The following WDFY3 variants were observed in gnomAD, a reference collection of about 807,000 sequenced individuals.
WDFY3 encodes the protein WD repeat and FYVE domain containing 3.
Under a neutral mutation model 409.6 loss-of-function variants are expected in WDFY3, and 66 were observed. That is an observed-to-expected ratio of 0.16 (90% CI 0.13 to 0.20). The LOEUF is 0.20. Among genes scored for constraint, WDFY3 ranks in the 10% least tolerant of loss-of-function variants. The probability of loss-of-function intolerance (pLI) is 1.00; values close to 1 mark genes in which losing one functional copy is unlikely to be tolerated. For synonymous variants in WDFY3, 1,521 were observed against 1,537.1 expected, an observed-to-expected ratio of 0.99 and a Z score of 0.25; for missense variants, 3,031 against 4,298.1, an observed-to-expected ratio of 0.71 and a Z score of 8.24.
At position 84,796,497 on chromosome 4, in the gene WDFY3, T is replaced by C. The variant is rs202175651; in HGVS notation, c.3167+24A>G. 2.2e-5 allele frequency: 33 copies of C among 1,494,466 alleles called. No homozygotes were observed. The East Asian group carries it at 3.5e-4, about 16-fold the overall frequency. The allele number at this position is 1,494,466 out of a possible 1,614,324, so 92.6% of individuals were successfully genotyped here. ...AGTATGACGCATAAAACCATAAAGG[T>C]TGGCTTCCTTGCAAATTTCTTACCC... is the stretch of plus-strand genomic sequence containing the variant. On this transcript the variant is annotated intron_variant, in intron 19 of 67. Coordinates refer to ENST00000295888, the MANE Select transcript of WDFY3 (RefSeq NM_014991.6).
intron 10 of WDFY3, among the ~76,000 whole-genome samples, chr4:84,821,858 G>A (rs1210725880): frequency 1.3e-5 from 2 of 152,182 alleles, no homozygotes; most frequent in Non-Finnish European, 2.9e-5. Flanking sequence ...TCAGAGTTTA[G>A]AGTGGTAGTT....
intron 12 of WDFY3, among the ~76,000 whole-genome samples, chr4:84,818,593 C>G (rs1418637714): frequency 2.0e-5 from 3 of 152,096 alleles, no homozygotes; most frequent in Non-Finnish European, 4.4e-5. Flanking sequence ...TGAAGTCAGT[C>G]TAAGCCATGT....
At chr4:84,802,546 G>T (rs1273747325) in intron 16 of WDFY3, among the ~76,000 whole-genome samples, 1 of 152,106 alleles carries the variant, frequency 6.6e-6, no homozygotes, top group Non-Finnish European at 1.5e-5. Flanking sequence ...GGGATTACAG[G>T]CGTGAGCCAC....
At chr4:84,700,813 A>G (rs1730959430) in intron 56 of WDFY3, among the ~76,000 whole-genome samples, 1 of 152,238 alleles carries the variant, frequency 6.6e-6, no homozygotes, top group South Asian at 2.1e-4. Context: ...ATAAGAAAAC[A>G]CTAATGTGGC....
At position 84,690,499 on chromosome 4, in the gene WDFY3, C is replaced by CT. The variant is rs575386588; in HGVS notation, c.9363+6dup. On this transcript the variant is annotated splice_region_variant and intron_variant, in intron 61 of 67. Coordinates refer to ENST00000295888, the MANE Select transcript of WDFY3 (RefSeq NM_014991.6). The stretch of plus-strand genomic sequence containing the variant: ...TCCTTCTTGGCATTTTCTATGTTCT[C>CT]TCTTACCTGTTTGAGGGTGACGGTC... 295 of 1,614,124 alleles carry CT rather than the reference C, an allele frequency of 1.8e-4. No homozygotes were observed. The African/African-American group carries it at 3.6e-3, about 20-fold the overall frequency.
At chr4:84,888,447 A>T (rs927874351) in intron 3 of WDFY3, among the ~76,000 whole-genome samples, 2 of 152,092 alleles carry the variant, frequency 1.3e-5, no homozygotes, top group African/African-American at 4.8e-5. Context: ...ATGAGATAAT[A>T]ACTTTAGAAA....
chr4:84,731,572 A>G, intron 44 of WDFY3, among the ~76,000 whole-genome samples: 1 of 152,052 alleles, frequency 6.6e-6, no homozygotes, highest in East Asian at 1.9e-4. Flanking sequence ...TATGTAACCC[A>G]CCTGTTAAAA....
Position 84,873,969 on chromosome 4 carries a change from T to C in WDFY3, c.-31-13347A>G, listed in dbSNP as rs546229021. ...GTAATTTTTGTATTTTTTGTAGAGA[T>C]GGAGTTTCGCCATGTTGCCCAGGAT... is the stretch of plus-strand genomic sequence containing the variant. On this transcript the variant is annotated intron_variant, in intron 3 of 67. Transcript: ENST00000295888. 1.1e-3 allele frequency among the ~76,000 whole-genome samples: 173 copies of C among 151,804 alleles called. 3 individuals are homozygous for C. Among genetic ancestry groups the C allele is most frequent in the African/African-American group, 3.9e-3 (161 of 41,458 alleles).
intron 67 of WDFY3, 96 bp downstream of exon 67, chr4:84,677,103 G>T: frequency 7.0e-7 from 1 of 1,419,624 alleles, no homozygotes; most frequent in Non-Finnish European, 9.7e-7. Flanking sequence ...TACTGTAGTG[G>T]GGACGCCAGG....
Position 84,798,095 on chromosome 4 carries a change from A to C in WDFY3, c.2836T>G (p.Leu946Val). ...EPMVLREFLRLASPLNCGAWD... is the reference protein window; with the variant it reads ...EPMVLREFLRVASPLNCGAWD... ...GCACCACAATTTAAAGGACTTGCCA[A>C]ACGTAAAAACTCCCTAAGAAAGAGA... The change falls in exon 18 of 68, where the codon TTG becomes GTG. Residue 946 changes from leucine to valine, a missense_variant. Around this residue, in one of 16 missense-constraint regions of WDFY3, gnomAD observed 1,322 missense variants for 1,697.9 expected, o/e 0.78. Coordinates refer to ENST00000295888, the MANE Select transcript of WDFY3 (RefSeq NM_014991.6). The C allele has an allele frequency of 6.2e-7, 1 of 1,612,110 alleles. No homozygotes were observed. The highest frequency in any genetic ancestry group is 8.5e-7 in the Non-Finnish European group (1 of 1,179,190).
intron 56 of WDFY3, among the ~76,000 whole-genome samples, chr4:84,697,917 A>G (rs1170768537): frequency 6.6e-6 from 1 of 152,212 alleles, no homozygotes; most frequent in African/African-American, 2.4e-5. Context: ...TTTATTTACA[A>G]TGTGATATCG....
intron 3 of WDFY3, among the ~76,000 whole-genome samples, chr4:84,889,272 A>G (rs1764630858): frequency 6.6e-6 from 1 of 152,198 alleles, no homozygotes; most frequent in African/African-American, 2.4e-5. Flanking sequence ...AATGCATAAT[A>G]TTATCCATAC....
intron 13 of WDFY3, among the ~76,000 whole-genome samples, chr4:84,813,580 A>T (rs189886871): frequency 6.6e-6 from 1 of 152,284 alleles, no homozygotes; most frequent in East Asian, 1.9e-4. Flanking sequence ...CAATGTGAGT[A>T]TTTATACCCT....
intron 3 of WDFY3, among the ~76,000 whole-genome samples, chr4:84,863,023 T>C (rs936959992): frequency 2.0e-5 from 3 of 152,256 alleles, no homozygotes; most frequent in African/African-American, 4.8e-5. Context: ...ATCTGTATTG[T>C]TGCAAATGAC....
chr4:84,772,849 T>A lies in WDFY3; in HGVS notation c.4835A>T (p.Glu1612Val), dbSNP rs761889338. ...KFVVMEINNE[E>V]KLDTGTEEEF... Reference sequence around the variant, plus strand: ...AATCAACTTACCAGTGTCAAGCTTCTCTTCATTATTTATTTCCATTACTAC... The same window carrying A: ...AATCAACTTACCAGTGTCAAGCTTCACTTCATTATTTATTTCCATTACTAC... Residue 1612 changes from glutamate to valine, a missense_variant, in exon 30 of 68, where the codon GAG becomes GTG. Physicochemically the swap from Glu to Val is moderately radical, Grantham distance 121 (BLOSUM62 -2). Coordinates refer to ENST00000295888, the MANE Select transcript of WDFY3 (RefSeq NM_014991.6). 1 of 1,611,028 alleles carries A rather than the reference T, an allele frequency of 6.2e-7. No homozygotes were observed. The highest frequency in any genetic ancestry group is 8.5e-7 in the Non-Finnish European group (1 of 1,178,834).
chr4:84,802,859 G>T (rs1307882098), intron 16 of WDFY3, among the ~76,000 whole-genome samples: 1 of 152,148 alleles, frequency 6.6e-6, no homozygotes, highest in South Asian at 2.1e-4. Flanking sequence ...TGACACTTTA[G>T]GCCTTAGAGG....
chr4:84,881,573 G>A (rs751067832), intron 3 of WDFY3, among the ~76,000 whole-genome samples: 1 of 142,284 alleles, frequency 7.0e-6, no homozygotes, highest in Admixed American at 7.5e-5. Context: ...GAATATGATC[G>A]TTACAATCAT....
chr4:84,845,537 C>T (rs966598885), intron 5 of WDFY3, among the ~76,000 whole-genome samples: 1 of 151,964 alleles, frequency 6.6e-6, no homozygotes, highest in African/African-American at 2.4e-5. Context: ...GTCTGTACTG[C>T]ACACTTAAAA....
In WDFY3 at chr4:84,713,258, C is replaced by A. The variant is rs371937344; in HGVS notation, c.7962-19G>T. On this transcript the variant is annotated intron_variant, in intron 50 of 67. Transcript: ENST00000295888. ...CAAAAACCTGAAAAATTTAAAATAGCGTAAAATTACAAGTGAAGTCTCAGT... is the reference window on the plus strand; with the variant it reads ...CAAAAACCTGAAAAATTTAAAATAGAGTAAAATTACAAGTGAAGTCTCAGT... 5 of 1,605,720 alleles carry A rather than the reference C, an allele frequency of 3.1e-6. No homozygotes were observed. The highest frequency in any genetic ancestry group is 3.4e-6 in the Non-Finnish European group (4 of 1,172,542).
Sources: gnomAD v4.1 joint callset for allele counts (sites outside exome capture counted in the v4.1 genomes callset) on GRCh38, gnomAD v4.1.1 for gene constraint, gnomAD v4.1.1 regional missense constraint, MANE v1.5 for transcripts, NCBI Gene and HGNC (gene_info 2026-07-23, HGNC 2026-07-21) for gene names.